Variants in KCNH7 observed in about 807,000 individuals in gnomAD.
KCNH7 encodes potassium voltage-gated channel subfamily H member 7.
KCNH7 carries 49 observed loss-of-function variants against 120.8 expected under a neutral mutation model. That is an observed-to-expected ratio of 0.41 (90% CI 0.32 to 0.51). KCNH7 has a LOEUF of 0.51. Among genes scored for constraint, KCNH7 ranks in the 20% least tolerant of loss-of-function variants. KCNH7 has a pLI of 0.38. For missense variants in KCNH7, 1,097 were observed against 1,446.6 expected (o/e 0.76, Z 3.92); for synonymous variants, 547 against 516.1 (o/e 1.06, Z -0.81).
chr2:162,522,134 T>A (rs1391720257), intron 3 of KCNH7, among the ~76,000 whole-genome samples: 1 of 151,946 alleles, frequency 6.6e-6, no homozygotes, highest in East Asian at 1.9e-4. Context: ...AACTTTTATA[T>A]GCTCAAGTAA....
At position 162,836,658 on chromosome 2, in the gene KCNH7, C is replaced by G. The variant is rs1685673338; in HGVS notation, c.186G>C (p.Lys62Asn). The stretch of plus-strand genomic sequence containing the variant: ...CATGGAGAAAGTCGCAGGTGCATGG[C>G]TTTTGCATGACATCTGGCCTGGAGA... ...TGFSRPDVMQKPCTCDFLHGP... is the reference protein window; with the variant it reads ...TGFSRPDVMQNPCTCDFLHGP... Residue 62 changes from lysine to asparagine, a missense_variant, in exon 2 of 16, where the codon AAG becomes AAC. Lys to Asn is a moderately conservative substitution (Grantham distance 94). Coordinates refer to ENST00000332142, the MANE Select transcript of KCNH7 (RefSeq NM_033272.4). 3.7e-6 allele frequency: 6 copies of G among 1,614,026 alleles called. No homozygotes were observed. The highest frequency in any genetic ancestry group is 5.1e-6 in the Non-Finnish European group (6 of 1,180,034).
intron 2 of KCNH7, among the ~76,000 whole-genome samples, chr2:162,730,641 T>C (rs1179424662): frequency 6.6e-6 from 1 of 152,056 alleles, no homozygotes; most frequent in African/African-American, 2.4e-5. Flanking sequence ...AATACTCATG[T>C]GGTGTGATAG....
intron 2 of KCNH7, among the ~76,000 whole-genome samples, chr2:162,621,215 T>C (rs1683342999): frequency 6.6e-6 from 1 of 151,550 alleles, no homozygotes; most frequent in Non-Finnish European, 1.5e-5. Context: ...TTTTTTTTGT[T>C]TGTTTTTCCT....
rs115591424 is a variant in KCNH7, at chr2:162,629,702, G to A, written c.308-92622C>T. Among the ~76,000 whole-genome samples, 709 of 152,132 alleles carry A rather than the reference G, an allele frequency of 4.7e-3. 4 individuals carry two copies. The highest frequency in any genetic ancestry group is 8.3e-3 in the Non-Finnish European group (562 of 67,972). On this transcript the variant is annotated intron_variant, in intron 2 of 15. Transcript: ENST00000332142. ...TTTTCCCAATACCACATTCAGTGAC[G>A]TCATGTTAGTAGCTTGAAATTGGCC... is the stretch of plus-strand genomic sequence containing the variant.
intron 2 of KCNH7, among the ~76,000 whole-genome samples, chr2:162,680,997 T>TA (rs1397908828): frequency 1.5e-4 from 23 of 151,902 alleles, no homozygotes; most frequent in South Asian, 6.2e-4. Flanking sequence ...ATTTAATCAT[T>TA]AAAAACAATT....
intron 2 of KCNH7, among the ~76,000 whole-genome samples, chr2:162,817,488 T>C (rs1684958416): frequency 6.6e-6 from 1 of 152,122 alleles, no homozygotes; most frequent in South Asian, 2.1e-4. Flanking sequence ...TTAGGTTGTT[T>C]CCAGATTTAG....
intron 2 of KCNH7, among the ~76,000 whole-genome samples, chr2:162,577,394 T>TATCC (rs879353149): frequency 1.1e-4 from 16 of 147,612 alleles, no homozygotes; most frequent in African/African-American, 3.5e-4. Context: ...TCTATCTATC[T>TATCC]ATCCATCTAT....
chr2:162,561,636 T>A (rs535380434), intron 2 of KCNH7, among the ~76,000 whole-genome samples: 1 of 152,220 alleles, frequency 6.6e-6, no homozygotes, highest in Non-Finnish European at 1.5e-5. Context: ...ATTTCTCTAA[T>A]GACCAGTGAT....
At chr2:162,526,356 G>C (rs1400664961) in intron 3 of KCNH7, among the ~76,000 whole-genome samples, 1 of 151,872 alleles carries the variant, frequency 6.6e-6, no homozygotes, top group East Asian at 2.0e-4. Flanking sequence ...CAGGAGACAG[G>C]GTTTGAGAGC....
intron 2 of KCNH7, among the ~76,000 whole-genome samples, chr2:162,816,315 C>G (rs1261382823): frequency 4.0e-5 from 6 of 150,242 alleles, no homozygotes. Context: ...GCCTTACATT[C>G]CTATCATTTC....
intron 2 of KCNH7, among the ~76,000 whole-genome samples, chr2:162,584,691 G>A (rs115061014): frequency 2.9e-3 from 442 of 152,096 alleles, no homozygotes; most frequent in African/African-American, 0.01. Flanking sequence ...TAGATCTCAA[G>A]TTTACACAGC....
At chr2:162,777,148 C>T (rs1241405828) in intron 2 of KCNH7, among the ~76,000 whole-genome samples, 2 of 152,074 alleles carry the variant, frequency 1.3e-5, no homozygotes, top group Non-Finnish European at 2.9e-5. Context: ...ACAAGTACCA[C>T]CAGTATAGTA....
chr2:162,610,231 G>A (rs1439300356), intron 2 of KCNH7, among the ~76,000 whole-genome samples: 1 of 152,148 alleles, frequency 6.6e-6, no homozygotes, highest in East Asian at 1.9e-4. Context: ...GAGAGGTTAT[G>A]GAGAATGGGC....
chr2:162,371,513 A>T lies in KCNH7; in HGVS notation c.*316T>A. The T allele has an allele frequency of 8.2e-7, 1 of 1,213,560 alleles. No homozygotes were observed. Among genetic ancestry groups the T allele is most frequent in the Non-Finnish European group, 1.1e-6 (1 of 947,254 alleles). 75.2% of individuals were successfully genotyped at this position (1,213,560 alleles called of 1,614,324 possible). On this transcript the variant is annotated 3_prime_UTR_variant, in exon 16 of 16. Coordinates refer to ENST00000332142, the MANE Select transcript of KCNH7 (RefSeq NM_033272.4). ...TCATAACGAAGTACTGGTTTAGTAA[A>T]AGCAGTAAATAGGAGTCTCCATGCA...
intron 6 of KCNH7, among the ~76,000 whole-genome samples, chr2:162,459,007 AAATAATAATAAT>A (rs71009358): frequency 3.2e-4 from 43 of 134,834 alleles, no homozygotes; most frequent in Admixed American, 1.5e-3. Context: ...TTCTGTTTCA[AAATAATAATAAT>A]AATAATAATA....
chr2:162,468,458 A>T (rs10930050), intron 6 of KCNH7, among the ~76,000 whole-genome samples: 10,930 of 151,246 alleles, frequency 0.072, 1,273 homozygotes, highest in African/African-American at 0.25. Context: ...TTGGCAGAAG[A>T]ATTTAATTTT....
intron 2 of KCNH7, among the ~76,000 whole-genome samples, chr2:162,656,577 G>A (rs1359335618): frequency 6.6e-6 from 1 of 152,174 alleles, no homozygotes; most frequent in African/African-American, 2.4e-5. Flanking sequence ...CATAAAAGTA[G>A]CAAAGTAACT....
chr2:162,788,370 T>C (rs755450093), intron 2 of KCNH7, among the ~76,000 whole-genome samples: 1 of 151,818 alleles, frequency 6.6e-6, no homozygotes, highest in Non-Finnish European at 1.5e-5. Context: ...GAAATAAAAA[T>C]CAGGAGAACA....
chr2:162,744,797 T>C (rs1688259302), intron 2 of KCNH7, among the ~76,000 whole-genome samples: 1 of 152,010 alleles, frequency 6.6e-6, no homozygotes, highest in Admixed American at 6.6e-5. Context: ...ATGGTCTCGG[T>C]CTCCTGACCT....
Sources: allele counts gnomAD v4.1 joint callset (sites outside exome capture counted in the v4.1 genomes callset), GRCh38; gene constraint gnomAD v4.1.1; transcripts MANE v1.5; gene names NCBI Gene and HGNC (gene_info 2026-07-23, HGNC 2026-07-21).